The following TSHZ2 variants were observed in gnomAD, a reference collection of about 807,000 sequenced individuals.
TSHZ2 encodes teashirt homolog 2.
A neutral mutation model predicts 74.4 loss-of-function variants in TSHZ2; 21 were observed. The observed-to-expected ratio is 0.28, with a 90% CI of 0.20 to 0.41. TSHZ2 has a LOEUF of 0.41. TSHZ2 is among the 10% of genes least tolerant of loss of function. The pLI is 1.00. For missense variants in TSHZ2, 1,244 were observed against 1,293.5 expected (o/e 0.96, Z 0.59); for synonymous variants, 540 against 515.3 (o/e 1.05, Z -0.65).
intron 2 of TSHZ2, among the ~76,000 whole-genome samples, chr20:53,385,010 A>C (rs1199951216): frequency 6.6e-6 from 1 of 152,022 alleles, no homozygotes; most frequent in African/African-American, 2.4e-5. Flanking sequence ...AGTCCCAGCT[A>C]CTCGGGAGGC....
At chr20:53,063,636 G>A (rs1984887320) in intron 1 of TSHZ2, among the ~76,000 whole-genome samples, 1 of 152,174 alleles carries the variant, frequency 6.6e-6, no homozygotes, top group Admixed American at 6.5e-5. Context: ...TAAGTGAATT[G>A]TAAGTGAATA....
chr20:53,324,567 G>T (rs559360123), intron 2 of TSHZ2, among the ~76,000 whole-genome samples: 3 of 152,088 alleles, frequency 2.0e-5, no homozygotes, highest in African/African-American at 7.2e-5. Flanking sequence ...GCAGAGATGG[G>T]GTTTCACCGT....
intron 1 of TSHZ2, among the ~76,000 whole-genome samples, chr20:53,056,406 G>A (rs192413765): frequency 2.5e-4 from 38 of 152,290 alleles, no homozygotes; most frequent in African/African-American, 6.5e-4. Flanking sequence ...GGAAAACATC[G>A]CAGTCTATTG....
chr20:53,129,200 G>A (rs2123377109), intron 1 of TSHZ2, among the ~76,000 whole-genome samples: 1 of 152,050 alleles, frequency 6.6e-6, no homozygotes, highest in South Asian at 2.1e-4. Flanking sequence ...TATTATTTTA[G>A]GGCAATACTT....
At chr20:53,313,248 A>G (rs1978865458) in intron 2 of TSHZ2, among the ~76,000 whole-genome samples, 1 of 152,248 alleles carries the variant, frequency 6.6e-6, no homozygotes, top group African/African-American at 2.4e-5. Flanking sequence ...CATTTTCCAC[A>G]TAACTGAAGC....
intron 2 of TSHZ2, among the ~76,000 whole-genome samples, chr20:53,350,239 C>T (rs1980598299): frequency 6.6e-6 from 1 of 152,224 alleles, no homozygotes; most frequent in Non-Finnish European, 1.5e-5. Flanking sequence ...TTTATTCAGC[C>T]TATCACATAT....
chr20:53,108,000 T>C (rs1238293094), intron 1 of TSHZ2, among the ~76,000 whole-genome samples: 1 of 152,220 alleles, frequency 6.6e-6, no homozygotes, highest in Admixed American at 6.5e-5. Flanking sequence ...TGTGGAACAA[T>C]GTTTTGTTTT....
chr20:53,459,845 G>T (rs1478436729), intron 2 of TSHZ2, among the ~76,000 whole-genome samples: 1 of 151,214 alleles, frequency 6.6e-6, no homozygotes, highest in African/African-American at 2.4e-5. Context: ...ATGAAATTCT[G>T]GGTTGAAAAT....
intron 1 of TSHZ2, among the ~76,000 whole-genome samples, chr20:53,181,662 G>A (rs1988472133): frequency 1.3e-5 from 2 of 152,146 alleles, no homozygotes; most frequent in East Asian, 3.9e-4. Flanking sequence ...GCCGAGGCGG[G>A]CAGATCACGA....
At chr20:53,034,867 T>G (rs143790261) in intron 1 of TSHZ2, among the ~76,000 whole-genome samples, 2 of 152,236 alleles carry the variant, frequency 1.3e-5, no homozygotes, top group African/African-American at 4.8e-5. Flanking sequence ...GATTTTATTC[T>G]GAGTGTGATG....
chr20:53,315,271 A>C (rs576563346), intron 2 of TSHZ2, among the ~76,000 whole-genome samples: 3 of 152,252 alleles, frequency 2.0e-5, no homozygotes, highest in Non-Finnish European at 2.9e-5. Flanking sequence ...TAAGTAGTGT[A>C]GATTTGGTAA....
Position 53,334,153 on chromosome 20 carries a change from A to C in TSHZ2, c.*8+77582A>C, listed in dbSNP as rs80204840. Among the ~76,000 whole-genome samples the C allele has an allele frequency of 9.5e-4, 145 of 152,300 alleles. 2 individuals are homozygous for C. In the East Asian group the frequency reaches 0.015, roughly 16 times the overall value. ...AGTAGACACCAATGTTGCCCTAAGG[A>C]GCTTGTGTTCTAAGGGTAAGACACA... On this transcript the variant is annotated intron_variant, in intron 2 of 2. Coordinates refer to ENST00000371497, the MANE Select transcript of TSHZ2 (RefSeq NM_173485.6).
chr20:53,420,150 T>C (rs918193218), intron 2 of TSHZ2, among the ~76,000 whole-genome samples: 5 of 152,134 alleles, frequency 3.3e-5, no homozygotes, highest in African/African-American at 1.2e-4. Context: ...GTAAAATAGA[T>C]AATATGTTTA....
intron 1 of TSHZ2, among the ~76,000 whole-genome samples, chr20:53,187,939 C>T (rs1165137207): frequency 6.6e-6 from 1 of 152,126 alleles, no homozygotes; most frequent in Non-Finnish European, 1.5e-5. Flanking sequence ...CCACCCGCCT[C>T]CTGGTAACAT....
chr20:53,080,653 C>T lies in TSHZ2; in HGVS notation c.40+107320C>T, dbSNP rs574657475. 7.9e-5 allele frequency among the ~76,000 whole-genome samples: 12 copies of T among 152,290 alleles called. No individual in the cohort carries two copies. In the East Asian group the frequency reaches 1.7e-3, roughly 22 times the overall value. ...ACAGTTCACAACAGGGTTCGTACTC[C>T]TATGAAAATCGAATGCCCCTGCTGA... On this transcript the variant is annotated intron_variant, in intron 1 of 2. Coordinates refer to ENST00000371497, the MANE Select transcript of TSHZ2 (RefSeq NM_173485.6).
chr20:53,175,314 G>A (rs1988310790), intron 1 of TSHZ2, among the ~76,000 whole-genome samples: 1 of 151,618 alleles, frequency 6.6e-6, no homozygotes, highest in African/African-American at 2.4e-5. Flanking sequence ...CTAATTTTTT[G>A]TATTTTTAGT....
At chr20:53,468,712 A>T (rs956794015) in intron 2 of TSHZ2, among the ~76,000 whole-genome samples, 3 of 145,644 alleles carry the variant, frequency 2.1e-5, no homozygotes, top group African/African-American at 7.6e-5. Flanking sequence ...AAAAAAAACT[A>T]AAAAAACTCT....
chr20:53,329,596 G>A (rs1381621153), intron 2 of TSHZ2, among the ~76,000 whole-genome samples: 1 of 151,646 alleles, frequency 6.6e-6, no homozygotes, highest in South Asian at 2.1e-4. Flanking sequence ...ACCCACATGT[G>A]GGATTTGGTC....
intron 1 of TSHZ2, among the ~76,000 whole-genome samples, chr20:53,237,530 C>T (rs967859661): frequency 6.7e-5 from 10 of 149,592 alleles, no homozygotes; most frequent in Non-Finnish European, 1.0e-4. Flanking sequence ...TGTGTGTGCG[C>T]GTGCATCTGA....
Sources: allele counts gnomAD v4.1 joint callset (sites outside exome capture counted in the v4.1 genomes callset), GRCh38; gene constraint gnomAD v4.1.1; transcripts MANE v1.5; gene names NCBI Gene and HGNC (gene_info 2026-07-23, HGNC 2026-07-21).